CADPS2: variants seen among roughly 807,000 people sequenced by gnomAD.
The protein encoded by CADPS2 is calcium-dependent secretion activator 2.
Under a neutral mutation model 172.5 loss-of-function variants are expected in CADPS2, and 93 were observed. The ratio of observed to expected loss-of-function variants is 0.54; its 90% CI spans 0.46 to 0.64. The LOEUF (loss-of-function observed/expected upper bound fraction) is 0.64, where lower values mean the gene tolerates loss of function less well. Ranked by LOEUF, CADPS2 falls within the 30% of genes least tolerant of loss-of-function variation. CADPS2 has a pLI of 0.00. For synonymous variants in CADPS2, 546 were observed against 555.2 expected, an observed-to-expected ratio of 0.98 and a Z score of 0.23; for missense variants, 1,420 against 1,565.9, an observed-to-expected ratio of 0.91 and a Z score of 1.57.
At chr7:122,737,386 G>T (rs1179255327) in intron 1 of CADPS2, among the ~76,000 whole-genome samples, 2 of 152,198 alleles carry the variant, frequency 1.3e-5, no homozygotes, top group East Asian at 3.9e-4. Context: ...ATCACGCCTT[G>T]CTAATTTTTG....
In CADPS2 at chr7:122,614,209, T is replaced by C. The variant is rs538269658; in HGVS notation, c.1223+972A>G. ...GTGAGATCCCAGAGGTCATGAGAGA[T>C]TGGTCAAGGGCAGGCCTGTAGGGAT... On this transcript the variant is annotated intron_variant, in intron 6 of 29. Transcript: ENST00000449022. Among the ~76,000 whole-genome samples the C allele has an allele frequency of 4.6e-5, 7 of 151,882 alleles. 1 individual carries two copies. The highest frequency in any genetic ancestry group is 1.7e-4 in the African/African-American group (7 of 41,408).
At chr7:122,422,813 GC>G (rs1332406213) in intron 17 of CADPS2, among the ~76,000 whole-genome samples, 3 of 147,142 alleles carry the variant, frequency 2.0e-5, no homozygotes, top group African/African-American at 7.6e-5. Context: ...AAAAAAAATA[GC>G]CTGGCGTGGT....
intron 17 of CADPS2, chr7:122,421,231 A>G (rs1165476610): frequency 3.3e-5 from 5 of 152,242 alleles, no homozygotes; most frequent in Admixed American, 6.5e-5. Context: ...ATAACCCTAC[A>G]TGATGATTTA....
At chr7:122,863,048 A>G (rs1817372042) in intron 1 of CADPS2, among the ~76,000 whole-genome samples, 1 of 152,188 alleles carries the variant, frequency 6.6e-6, no homozygotes, top group African/African-American at 2.4e-5. Flanking sequence ...ATATAGCCTT[A>G]AAATCAAGAA....
intron 28 of CADPS2, among the ~76,000 whole-genome samples, chr7:122,326,076 A>C (rs912432474): frequency 1.8e-4 from 8 of 44,254 alleles, no homozygotes; most frequent in African/African-American, 4.6e-4. Context: ...TAGCGATGGC[A>C]AAAAAAAAAA....
intron 2 of CADPS2, among the ~76,000 whole-genome samples, chr7:122,694,151 T>C (rs2084771540): frequency 1.3e-5 from 2 of 152,058 alleles, no homozygotes; most frequent in African/African-American, 2.4e-5. Flanking sequence ...AGGCAAGGAA[T>C]TTGGTGGCAC....
intron 14 of CADPS2, among the ~76,000 whole-genome samples, chr7:122,463,926 T>C (rs980671439): frequency 8.5e-5 from 13 of 152,178 alleles, no homozygotes; most frequent in African/African-American, 2.7e-4. Context: ...TAGATTCCAG[T>C]TGGAGACGTC....
intron 1 of CADPS2, among the ~76,000 whole-genome samples, chr7:122,780,985 G>A (rs1388343724): frequency 6.6e-6 from 1 of 152,188 alleles, no homozygotes; most frequent in Non-Finnish European, 1.5e-5. Context: ...TCAAAGTGTA[G>A]AGGCATTTAA....
chr7:122,763,899 A>G (rs995133275), intron 1 of CADPS2, among the ~76,000 whole-genome samples: 21 of 152,154 alleles, frequency 1.4e-4, no homozygotes, highest in African/African-American at 5.1e-4. Context: ...ATTTTATATG[A>G]CATGGGATTT....
rs1349179402 is a variant in CADPS2, at chr7:122,574,471, A to G, written c.1335+6708T>C. 3.6e-4 allele frequency among the ~76,000 whole-genome samples: 53 copies of G among 148,008 alleles called. 1 individual carries two copies. Among genetic ancestry groups the G allele is most frequent in the Non-Finnish European group, 7.0e-4 (47 of 67,268 alleles). ...AAAAAAAAAAAAAAAAAAAAAAAGTATATTTCTCAACTAAGAAGTGTTGAT... is the reference window on the plus strand; with the variant it reads ...AAAAAAAAAAAAAAAAAAAAAAAGTGTATTTCTCAACTAAGAAGTGTTGAT... On this transcript the variant is annotated intron_variant, in intron 7 of 29. Coordinates refer to ENST00000449022, the MANE Select transcript of CADPS2 (RefSeq NM_017954.11).
intron 3 of CADPS2, among the ~76,000 whole-genome samples, chr7:122,656,442 G>C (rs1563979023): frequency 6.6e-6 from 1 of 152,056 alleles, no homozygotes; most frequent in Admixed American, 6.6e-5. Flanking sequence ...AAAAAACAGA[G>C]AGAACAGGAG....
chr7:122,673,695 G>A (rs2135612798), intron 2 of CADPS2, among the ~76,000 whole-genome samples: 1 of 152,346 alleles, frequency 6.6e-6, no homozygotes, highest in East Asian at 1.9e-4. Flanking sequence ...CAATCCTCCA[G>A]CTAGACATAA....
At chr7:122,636,466 T>G (rs1263173934) in intron 3 of CADPS2, among the ~76,000 whole-genome samples, 1 of 85,632 alleles carries the variant, frequency 1.2e-5, no homozygotes, top group African/African-American at 3.5e-5. Flanking sequence ...AGAGATGTTT[T>G]TTTTTTTTTT....
chr7:122,711,159 C>T (rs1326893625), intron 2 of CADPS2, among the ~76,000 whole-genome samples: 5 of 152,118 alleles, frequency 3.3e-5, no homozygotes, highest in Admixed American at 2.0e-4. Flanking sequence ...CAGAGGCCAT[C>T]TGTCTTACAT....
rs921784981 is a variant in CADPS2, at chr7:122,447,150, A to G, written c.2288+4224T>C. ...TGCAGGGGTTAGATCTAAATTCAGT[A>G]TCTACATTACATTAGTTATGAGAAT... is the stretch of plus-strand genomic sequence containing the variant. On this transcript the variant is annotated intron_variant, in intron 15 of 29. Coordinates refer to ENST00000449022, the MANE Select transcript of CADPS2 (RefSeq NM_017954.11). Among the ~76,000 whole-genome samples the G allele has an allele frequency of 5.4e-5, 8 of 148,240 alleles. No homozygotes were observed. The East Asian group carries it at 1.2e-3, about 22-fold the overall frequency.
chr7:122,679,658 C>T (rs967618050), intron 2 of CADPS2, among the ~76,000 whole-genome samples: 9 of 152,242 alleles, frequency 5.9e-5, no homozygotes, highest in South Asian at 2.1e-4. Context: ...GCTGGTTTTA[C>T]GGCTCAGGGG....
chr7:122,466,445 T>C (rs1035788649), intron 14 of CADPS2, among the ~76,000 whole-genome samples: 2 of 152,114 alleles, frequency 1.3e-5, no homozygotes, highest in Non-Finnish European at 2.9e-5. Flanking sequence ...ATGGGGGTGG[T>C]AGGCGGGGAG....
At chr7:122,575,756 A>G (rs1177812342) in intron 7 of CADPS2, among the ~76,000 whole-genome samples, 1 of 152,104 alleles carries the variant, frequency 6.6e-6, no homozygotes, top group African/African-American at 2.4e-5. Context: ...AATTTCTTAA[A>G]CAGTATATGC....
chr7:122,774,814 T>A (rs2093824346), intron 1 of CADPS2, among the ~76,000 whole-genome samples: 1 of 152,330 alleles, frequency 6.6e-6, no homozygotes, highest in South Asian at 2.1e-4. Context: ...ATATATTTAA[T>A]GTATCTAACT....
Sources: gnomAD v4.1 joint callset for allele counts (sites outside exome capture counted in the v4.1 genomes callset) on GRCh38, gnomAD v4.1.1 for gene constraint, MANE v1.5 for transcripts, NCBI Gene and HGNC (gene_info 2026-07-23, HGNC 2026-07-21) for gene names.